Variants in KCNIP4 observed in about 807,000 individuals in gnomAD.
KCNIP4 encodes the protein Kv channel-interacting protein 4.
In KCNIP4, 12 loss-of-function variants were observed where a neutral mutation model predicts 34.0. That is an observed-to-expected ratio of 0.35 (90% confidence interval 0.23 to 0.57). The LOEUF (loss-of-function observed/expected upper bound fraction) is 0.57. Ranked by LOEUF, KCNIP4 falls within the 20% of genes least tolerant of loss-of-function variation. The probability of loss-of-function intolerance (pLI) is 0.83; values close to 1 mark genes in which losing one functional copy is unlikely to be tolerated. For synonymous variants in KCNIP4, 124 were observed against 102.2 expected, an observed-to-expected ratio of 1.21 and a Z score of -1.29; for missense variants, 238 against 311.7, an observed-to-expected ratio of 0.76 and a Z score of 1.78.
At chr4:21,548,921 A>T (rs1738350053) in intron 1 of KCNIP4, among the ~76,000 whole-genome samples, 1 of 152,044 alleles carries the variant, frequency 6.6e-6, no homozygotes, top group African/African-American at 2.4e-5. Flanking sequence ...CACACTACTG[A>T]TATTTGGGAC....
At chr4:21,100,986 T>C (rs1036916532) in intron 1 of KCNIP4, among the ~76,000 whole-genome samples, 11 of 152,184 alleles carry the variant, frequency 7.2e-5, no homozygotes, top group African/African-American at 2.7e-4. Flanking sequence ...ATTTTATCTA[T>C]TGAGGGGGTA....
chr4:20,870,279 G>T (rs983465952), intron 2 of KCNIP4, among the ~76,000 whole-genome samples: 1 of 151,860 alleles, frequency 6.6e-6, no homozygotes, highest in African/African-American at 2.4e-5. Flanking sequence ...GAATTCTCAG[G>T]AGATCTAGTT....
At chr4:21,661,563 C>T (rs1211660652) in intron 1 of KCNIP4, among the ~76,000 whole-genome samples, 1 of 152,164 alleles carries the variant, frequency 6.6e-6, no homozygotes, top group Non-Finnish European at 1.5e-5. Context: ...TCTCCCATTT[C>T]AATTTGAATA....
At chr4:20,873,721 G>T (rs1344576934) in intron 2 of KCNIP4, among the ~76,000 whole-genome samples, 2 of 152,146 alleles carry the variant, frequency 1.3e-5, no homozygotes, top group Admixed American at 6.6e-5. Flanking sequence ...CAGACAAGAT[G>T]AAAAATCACT....
At position 21,455,808 on chromosome 4, in the gene KCNIP4, C is replaced by CTTATAT. The variant is rs1491104155; in HGVS notation, c.61+492762_61+492763insATATAA. The stretch of plus-strand genomic sequence containing the variant: ...TTAATGTGATAGTCTTACAGATATT[C>CTTATAT]ATATATATATATATATATATATATA... On this transcript the variant is annotated intron_variant, in intron 1 of 8. Transcript: ENST00000382152. 1.3e-4 allele frequency among the ~76,000 whole-genome samples: 9 copies of CTTATAT among 71,906 alleles called. 2 individuals carry two copies. Among genetic ancestry groups the CTTATAT allele is most frequent in the Admixed American group, 6.8e-4 (4 of 5,916 alleles). 47.2% of individuals were successfully genotyped at this position (71,906 alleles called of 152,430 possible).
chr4:21,759,648 C>T (rs904101093), intron 1 of KCNIP4, among the ~76,000 whole-genome samples: 1 of 152,072 alleles, frequency 6.6e-6, no homozygotes. Context: ...AAGAGGAGAC[C>T]TATTAACCTG....
chr4:21,715,332 G>T (rs998420063), intron 1 of KCNIP4, among the ~76,000 whole-genome samples: 1 of 151,838 alleles, frequency 6.6e-6, no homozygotes, highest in Admixed American at 6.6e-5. Context: ...GGGTTTCACC[G>T]TGTTGGCCAG....
intron 1 of KCNIP4, among the ~76,000 whole-genome samples, chr4:21,628,158 C>CT (rs1269371131): frequency 1.3e-5 from 2 of 152,042 alleles, no homozygotes; most frequent in Non-Finnish European, 2.9e-5. Flanking sequence ...TTCTTTTGTG[C>CT]TTTTTTAGAA....
intron 1 of KCNIP4, among the ~76,000 whole-genome samples, chr4:21,533,099 G>T (rs1181786389): frequency 6.6e-6 from 1 of 151,654 alleles, no homozygotes; most frequent in Non-Finnish European, 1.5e-5. Flanking sequence ...TGCTTCCAAA[G>T]AAGTTTAAAA....
chr4:20,819,663 A>ATG (rs1716861247), intron 3 of KCNIP4, among the ~76,000 whole-genome samples: 2 of 152,200 alleles, frequency 1.3e-5, no homozygotes, highest in Non-Finnish European at 2.9e-5. Flanking sequence ...ATATTAAGAG[A>ATG]TGTGGCCTTT....
chr4:21,168,368 A>C (rs964728144), intron 1 of KCNIP4, among the ~76,000 whole-genome samples: 1 of 152,070 alleles, frequency 6.6e-6, no homozygotes, highest in Non-Finnish European at 1.5e-5. Flanking sequence ...TCTATCCAAC[A>C]CTTTCTGCAA....
At chr4:20,918,684 C>T (rs542433543) in intron 1 of KCNIP4, among the ~76,000 whole-genome samples, 4 of 152,230 alleles carry the variant, frequency 2.6e-5, no homozygotes, top group Admixed American at 1.3e-4. Context: ...GTGGTCTCAC[C>T]CTGCCCTCTT....
chr4:21,073,993 G>A (rs1214036703), intron 1 of KCNIP4, among the ~76,000 whole-genome samples: 1 of 152,206 alleles, frequency 6.6e-6, no homozygotes, highest in Non-Finnish European at 1.5e-5. Flanking sequence ...AAGCCCAGTT[G>A]ATCATGGTGG....
At position 21,620,721 on chromosome 4, in the gene KCNIP4, T is replaced by C. The variant is rs547334152; in HGVS notation, c.61+327850A>G. Among the ~76,000 whole-genome samples the C allele has an allele frequency of 3.9e-5, 6 of 152,344 alleles. No individual in the cohort carries two copies. The South Asian group carries it at 6.2e-4, about 16-fold the overall frequency. The stretch of plus-strand genomic sequence containing the variant: ...TCCAACTAAGCCCAAACTGTCTTAT[T>C]ACACATTCTACAACTCAGGAGGGGA... On this transcript the variant is annotated intron_variant, in intron 1 of 8. Transcript: ENST00000382152.
intron 1 of KCNIP4, among the ~76,000 whole-genome samples, chr4:21,593,069 C>T (rs1235427201): frequency 1.3e-5 from 2 of 151,092 alleles, no homozygotes; most frequent in Admixed American, 6.6e-5. Context: ...TTCTAAAATG[C>T]TGCATTGCAT....
At chr4:21,237,548 A>C (rs933212498) in intron 1 of KCNIP4, among the ~76,000 whole-genome samples, 18 of 152,220 alleles carry the variant, frequency 1.2e-4, no homozygotes, top group Non-Finnish European at 2.5e-4. Flanking sequence ...TAACGGGGAT[A>C]TCACCACCAA....
intron 1 of KCNIP4, among the ~76,000 whole-genome samples, chr4:21,625,182 C>T (rs771368300): frequency 5.9e-5 from 9 of 152,024 alleles, no homozygotes; most frequent in African/African-American, 7.2e-5. Flanking sequence ...TAATAATATA[C>T]ATTAAACAAT....
Position 21,325,575 on chromosome 4 carries a change from CTGTTTTCTT to C in KCNIP4, c.62-442875_62-442867del, listed in dbSNP as rs372402883. On this transcript the variant is annotated intron_variant, in intron 1 of 8. Transcript: ENST00000382152. ...CTTTATGTTTCATTGATCTTTTTTA[CTGTTTTCTT>C]TGTTTTCTTTTCATTTATTTCTGCT... Among the ~76,000 whole-genome samples the C allele has an allele frequency of 4.4e-3, 665 of 151,376 alleles. 5 individuals carry two copies. The highest frequency in any genetic ancestry group is 0.015 in the African/African-American group (630 of 41,366).
At position 21,510,207 on chromosome 4, in the gene KCNIP4, C is replaced by CA. The variant is rs547496570; in HGVS notation, c.61+438363dup. On this transcript the variant is annotated intron_variant, in intron 1 of 8. Coordinates refer to ENST00000382152, the MANE Select transcript of KCNIP4 (RefSeq NM_025221.6). ...ATTTTGGCTCTGAAAGCCTGTACTT[C>CA]AAAAAAAACTCATTGGATTCCTGAC... Among the ~76,000 whole-genome samples, 230 of 150,904 alleles carry CA rather than the reference C, an allele frequency of 1.5e-3. 1 individual carries two copies. Among genetic ancestry groups the CA allele is most frequent in the East Asian group, 8.4e-3 (43 of 5,090 alleles).
Sources: allele counts gnomAD v4.1 joint callset (sites outside exome capture counted in the v4.1 genomes callset), GRCh38; gene constraint gnomAD v4.1.1; transcripts MANE v1.5; gene names NCBI Gene and HGNC (gene_info 2026-07-23, HGNC 2026-07-21).